Variants in SRBD1 observed in about 807,000 individuals in gnomAD.
SRBD1 encodes the protein S1 RNA binding domain 1, also known as S1 RNA-binding domain-containing protein 1.
Under a neutral mutation model 115.3 loss-of-function variants are expected in SRBD1, and 88 were observed. The ratio of observed to expected loss-of-function variants is 0.76; its 90% CI spans 0.64 to 0.91. The LOEUF (loss-of-function observed/expected upper bound fraction) is 0.91, where lower values mean the gene tolerates loss of function less well. Ranked by LOEUF, SRBD1 falls within the 40% of genes least tolerant of loss-of-function variation. The probability of loss-of-function intolerance (pLI) is 0.00; values close to 1 mark genes in which losing one functional copy is unlikely to be tolerated. For missense variants in SRBD1, 1,385 were observed against 1,177.4 expected (o/e 1.18, Z -2.58); for synonymous variants, 509 against 407.7 (o/e 1.25, Z -2.99).
At chr2:45,466,273 C>G (rs1191747555) in intron 16 of SRBD1, among the ~76,000 whole-genome samples, 3 of 152,104 alleles carry the variant, frequency 2.0e-5, no homozygotes, top group African/African-American at 7.2e-5. Context: ...TTGCCGGGCA[C>G]CTACTACCCC....
intron 14 of SRBD1, among the ~76,000 whole-genome samples, chr2:45,509,795 C>T (rs541414737): frequency 7.2e-5 from 11 of 152,256 alleles, no homozygotes; most frequent in African/African-American, 1.9e-4. Context: ...AGTGCAGTGG[C>T]GCAGTCTCAG....
At chr2:45,445,058 T>C (rs1053571363) in intron 16 of SRBD1, among the ~76,000 whole-genome samples, 1 of 152,256 alleles carries the variant, frequency 6.6e-6, no homozygotes, top group Non-Finnish European at 1.5e-5. Flanking sequence ...ATGTTTCCAT[T>C]GCTTTTAACT....
chr2:45,580,874 G>A (rs1673339234), intron 6 of SRBD1, among the ~76,000 whole-genome samples: 3 of 145,058 alleles, frequency 2.1e-5, no homozygotes, highest in South Asian at 4.4e-4. Context: ...TAGTAGAGAC[G>A]GGGTTTCACC....
intron 19 of SRBD1, among the ~76,000 whole-genome samples, chr2:45,411,773 A>C (rs985376910): frequency 6.6e-6 from 1 of 152,210 alleles, no homozygotes; most frequent in Non-Finnish European, 1.5e-5. Context: ...ATTTAGTGCA[A>C]AGTGTACCAA....
At chr2:45,400,266 C>A (rs1667257394) in intron 19 of SRBD1, among the ~76,000 whole-genome samples, 1 of 151,906 alleles carries the variant, frequency 6.6e-6, no homozygotes, top group Non-Finnish European at 1.5e-5. Context: ...GCAGGAAGGG[C>A]AGGAGGGAGA....
chr2:45,422,402 G>A (rs552022781), intron 16 of SRBD1, among the ~76,000 whole-genome samples: 1 of 152,196 alleles, frequency 6.6e-6, no homozygotes, highest in South Asian at 2.1e-4. Context: ...AATGGTGACT[G>A]GTTAAAATCC....
chr2:45,549,634 T>A (rs930321009), intron 12 of SRBD1, among the ~76,000 whole-genome samples: 6 of 144,508 alleles, frequency 4.2e-5, no homozygotes, highest in African/African-American at 1.6e-4. Flanking sequence ...GCACATAGCT[T>A]GAGCTCAGGA....
At chr2:45,496,395 T>TA (rs1180882540) in intron 14 of SRBD1, among the ~76,000 whole-genome samples, 1 of 150,158 alleles carries the variant, frequency 6.7e-6, no homozygotes, top group Admixed American at 6.6e-5. Context: ...TTAAAAGCAT[T>TA]AAAAAAGAAT....
intron 14 of SRBD1, 143 bp downstream of exon 14, chr2:45,546,589 T>C: frequency 1.2e-6 from 1 of 847,444 alleles, no homozygotes; most frequent in Non-Finnish European, 1.8e-6. Context: ...TACATTATCC[T>C]GCAAAGTTCT....
chr2:45,412,388 T>C (rs1398208688), intron 19 of SRBD1, among the ~76,000 whole-genome samples: 1 of 152,088 alleles, frequency 6.6e-6, no homozygotes, highest in African/African-American at 2.4e-5. Flanking sequence ...TAAATATTTT[T>C]AAAAGAAAGC....
chr2:45,411,388 T>G (rs2103853930), intron 19 of SRBD1, among the ~76,000 whole-genome samples: 1 of 152,350 alleles, frequency 6.6e-6, no homozygotes, highest in Non-Finnish European at 1.5e-5. Context: ...GGAATATTAC[T>G]GAGCAATAAA....
intron 9 of SRBD1, among the ~76,000 whole-genome samples, chr2:45,565,240 C>T (rs920717559): frequency 7.2e-5 from 11 of 152,090 alleles, no homozygotes; most frequent in Non-Finnish European, 1.5e-4. Context: ...AAACTGACTA[C>T]AAAGCCACAG....
intron 16 of SRBD1, among the ~76,000 whole-genome samples, chr2:45,425,391 C>T (rs780745621): frequency 6.6e-6 from 1 of 152,144 alleles, no homozygotes; most frequent in Non-Finnish European, 1.5e-5. Context: ...TAGCAAGACA[C>T]TTGCACAAAG....
chr2:45,551,591 G>A (rs552349535), intron 11 of SRBD1, among the ~76,000 whole-genome samples: 23 of 152,232 alleles, frequency 1.5e-4, no homozygotes, highest in African/African-American at 4.6e-4. Flanking sequence ...GAGAGTGTAC[G>A]CACATTTGAA....
At chr2:45,403,990 G>C (rs1667359340) in intron 19 of SRBD1, among the ~76,000 whole-genome samples, 5 of 152,050 alleles carry the variant, frequency 3.3e-5, no homozygotes, top group Non-Finnish European at 5.9e-5. Context: ...AATGAATAGA[G>C]GTGATTTACG....
chr2:45,562,941 G>A (rs1672719416), intron 9 of SRBD1, among the ~76,000 whole-genome samples, 185 bp from the exon 10 acceptor site: 2 of 152,056 alleles, frequency 1.3e-5, no homozygotes, highest in African/African-American at 4.8e-5. Flanking sequence ...ACCCTAACAT[G>A]CTCTTAGAAA....
chr2:45,578,062 C>A (rs554396323), intron 7 of SRBD1, among the ~76,000 whole-genome samples: 55 of 152,244 alleles, frequency 3.6e-4, no homozygotes, highest in African/African-American at 1.2e-3. Context: ...ATATGGTTAT[C>A]AAAAACCTAC....
At chr2:45,610,205 A>G (rs1674401715) in intron 1 of SRBD1, among the ~76,000 whole-genome samples, 1 of 152,240 alleles carries the variant, frequency 6.6e-6, no homozygotes, top group Non-Finnish European at 1.5e-5. Flanking sequence ...AAGAGCCACT[A>G]AACTAGGACG....
At chr2:45,492,881 A>G (rs1041421251) in intron 14 of SRBD1, among the ~76,000 whole-genome samples, 1 of 152,258 alleles carries the variant, frequency 6.6e-6, no homozygotes, top group Non-Finnish European at 1.5e-5. Context: ...AAAATAAATT[A>G]CATGCTCTTT....
Sources: gnomAD v4.1 joint callset for allele counts (sites outside exome capture counted in the v4.1 genomes callset) on GRCh38, gnomAD v4.1.1 for gene constraint, MANE v1.5 for transcripts, NCBI Gene and HGNC (gene_info 2026-07-23, HGNC 2026-07-21) for gene names.